Variants in GTF2E2 observed in about 807,000 individuals in gnomAD.
GTF2E2 encodes the protein general transcription factor IIE subunit 2.
In GTF2E2, 21 loss-of-function variants were observed where a neutral mutation model predicts 40.5. That is an observed-to-expected ratio of 0.52 (90% confidence interval 0.37 to 0.75). The LOEUF (loss-of-function observed/expected upper bound fraction) is 0.75, where lower values mean the gene tolerates loss of function less well. Among genes scored for constraint, GTF2E2 ranks in the 30% least tolerant of loss-of-function variants. The pLI, the probability that GTF2E2 is intolerant of heterozygous loss-of-function variation, is 0.00. For synonymous variants in GTF2E2, 117 were observed against 121.6 expected (o/e 0.96, Z 0.25); for missense variants, 298 against 338.4 (o/e 0.88, Z 0.94).
intron 6 of GTF2E2, among the ~76,000 whole-genome samples, chr8:30,581,307 C>T (rs1330474132): frequency 6.6e-6 from 1 of 152,194 alleles, no homozygotes; most frequent in Non-Finnish European, 1.5e-5. Context: ...CACCCAGCGC[C>T]GCCCTCCTTT....
chr8:30,646,524 T>G (rs979900492), intron 2 of GTF2E2, among the ~76,000 whole-genome samples: 3 of 152,152 alleles, frequency 2.0e-5, no homozygotes, highest in African/African-American at 7.2e-5. Flanking sequence ...ACACTACCCC[T>G]AAGTCAGAAA....
intron 3 of GTF2E2, among the ~76,000 whole-genome samples, chr8:30,625,619 G>A (rs574056070): frequency 1.3e-5 from 2 of 151,318 alleles, no homozygotes; most frequent in African/African-American, 2.5e-5. Flanking sequence ...GTTGTTTTTT[G>A]TTTTTTGTTT....
intron 3 of GTF2E2, among the ~76,000 whole-genome samples, chr8:30,623,816 T>C (rs1801185217): frequency 6.6e-6 from 1 of 152,160 alleles, no homozygotes; most frequent in Non-Finnish European, 1.5e-5. Context: ...AATGTCTTCT[T>C]TTGAGATGTA....
chr8:30,635,879 C>CA (rs891759571), intron 2 of GTF2E2, among the ~76,000 whole-genome samples: 4 of 151,580 alleles, frequency 2.6e-5, no homozygotes, highest in African/African-American at 9.7e-5. Flanking sequence ...AATTTAAGAC[C>CA]AAAAAAATAG....
intron 4 of GTF2E2, 111 bp downstream of exon 4, chr8:30,614,497 G>T: frequency 1.6e-6 from 1 of 606,328 alleles, no homozygotes; most frequent in East Asian, 3.0e-5. Flanking sequence ...GCAGTGGGCT[G>T]AGATCATGCC....
chr8:30,580,766 A>G (rs975906182), intron 6 of GTF2E2, among the ~76,000 whole-genome samples: 1 of 152,208 alleles, frequency 6.6e-6, no homozygotes, highest in East Asian at 1.9e-4. Flanking sequence ...TCTCTCATTG[A>G]TAATAGAAAA....
At chr8:30,639,985 CAA>C (rs1206787141) in intron 2 of GTF2E2, among the ~76,000 whole-genome samples, 4 of 152,120 alleles carry the variant, frequency 2.6e-5, no homozygotes, top group African/African-American at 9.7e-5. Context: ...ATAACTTTGT[CAA>C]ATAAAACAGT....
intron 2 of GTF2E2, chr8:30,645,896 ACAAG>A (rs1231363113): frequency 3.8e-6 from 1 of 262,462 alleles, no homozygotes; most frequent in African/African-American, 2.2e-5. Flanking sequence ...GCTGGAAAAG[ACAAG>A]CAAGGCTAAT....
chr8:30,600,394 C>T (rs2151118985), intron 6 of GTF2E2, among the ~76,000 whole-genome samples: 1 of 152,308 alleles, frequency 6.6e-6, no homozygotes, highest in Non-Finnish European at 1.5e-5. Context: ...CATGTTCTTA[C>T]TTTCCACCAG....
chr8:30,623,106 C>T (rs986667390), intron 3 of GTF2E2, among the ~76,000 whole-genome samples: 1 of 152,054 alleles, frequency 6.6e-6, no homozygotes, highest in Non-Finnish European at 1.5e-5. Context: ...TGTTTAGAGA[C>T]TGGAGTAAAG....
rs116843625 is a variant in GTF2E2 at position 30,603,142 on chromosome 8, G to C, written c.643+3915C>G. 6.3e-3 allele frequency among the ~76,000 whole-genome samples: 963 copies of C among 152,268 alleles called. 8 individuals are homozygous for C. The highest frequency in any genetic ancestry group is 0.017 in the Middle Eastern group (5 of 294). On this transcript the variant is annotated intron_variant, in intron 6 of 7. Transcript: ENST00000355904. ...ACCTCTATATTTAGCAAAATGACTA[G>C]GGCACTTAGGAGGAGACCATTAAAT... is the stretch of plus-strand genomic sequence containing the variant.
chr8:30,646,518 T>C (rs55700086), intron 2 of GTF2E2, among the ~76,000 whole-genome samples: 29,145 of 152,050 alleles, frequency 0.19, 3,519 homozygotes, highest in East Asian at 0.43. Flanking sequence ...ACCACCACAC[T>C]ACCCCTAAGT....
At chr8:30,636,185 T>C (rs1484291011) in intron 2 of GTF2E2, among the ~76,000 whole-genome samples, 2 of 151,562 alleles carry the variant, frequency 1.3e-5, no homozygotes, top group African/African-American at 4.9e-5. Flanking sequence ...CCATTAGTCA[T>C]AACCAGGAAC....
rs1828517236 is a variant in GTF2E2, at chr8:30,581,640, T to TA, written c.644-1245dup. Among the ~76,000 whole-genome samples the TA allele has an allele frequency of 4.6e-5, 7 of 152,350 alleles. 2 individuals carry two copies. Among genetic ancestry groups the TA allele is most frequent in the African/African-American group, 1.7e-4 (7 of 41,578 alleles). On this transcript the variant is annotated intron_variant, in intron 6 of 7. Transcript: ENST00000355904. ...CAAAATGTCTCTAAATAAGATTTTTTAATTTCCATAGATACATTAGGGGTT... is the reference window on the plus strand; with the variant it reads ...CAAAATGTCTCTAAATAAGATTTTTTAAATTTCCATAGATACATTAGGGGTT...
At chr8:30,598,805 G>C (rs989836532) in intron 6 of GTF2E2, among the ~76,000 whole-genome samples, 2 of 152,170 alleles carry the variant, frequency 1.3e-5, no homozygotes, top group African/African-American at 2.4e-5. Context: ...TTGACAAAGA[G>C]AAATAACCTG....
chr8:30,596,311 C>G (rs1320490693), intron 6 of GTF2E2, among the ~76,000 whole-genome samples: 2 of 152,148 alleles, frequency 1.3e-5, no homozygotes. Context: ...CTTATGGGTT[C>G]TCTGCCCTAT....
intron 4 of GTF2E2, among the ~76,000 whole-genome samples, chr8:30,614,365 A>G (rs1034137133): frequency 6.6e-6 from 1 of 152,140 alleles, no homozygotes; most frequent in African/African-American, 2.4e-5. Flanking sequence ...GGATCACTTG[A>G]GGTCAGGAGT....
chr8:30,624,903 T>C (rs1801221177), intron 3 of GTF2E2, among the ~76,000 whole-genome samples: 1 of 151,884 alleles, frequency 6.6e-6, no homozygotes, highest in Non-Finnish European at 1.5e-5. Flanking sequence ...TTAAGGAGAT[T>C]TTGGGCTGAG....
intron 2 of GTF2E2, among the ~76,000 whole-genome samples, chr8:30,640,390 T>C (rs541751941): frequency 7.6e-4 from 116 of 152,120 alleles, no homozygotes; most frequent in Non-Finnish European, 1.5e-3. Context: ...GGAGTAAACA[T>C]ATCAAATGGG....
Sources: allele counts gnomAD v4.1 joint callset (sites outside exome capture counted in the v4.1 genomes callset), GRCh38; gene constraint gnomAD v4.1.1; transcripts MANE v1.5; gene names NCBI Gene and HGNC (gene_info 2026-07-23, HGNC 2026-07-21).